Variants in CFAP299 observed in about 807,000 individuals in gnomAD.
CFAP299 encodes the protein cilia and flagella associated protein 299.
Under a neutral mutation model 27.0 loss-of-function variants are expected in CFAP299, and 21 were observed. That is an observed-to-expected ratio of 0.78 (90% CI 0.55 to 1.12). The LOEUF is 1.12. Ranked by LOEUF, CFAP299 falls within the 50% of genes most tolerant of loss-of-function variation. The probability of loss-of-function intolerance (pLI) is 0.00; values close to 1 mark genes in which losing one functional copy is unlikely to be tolerated. For synonymous variants in CFAP299, 104 were observed against 98.1 expected, an observed-to-expected ratio of 1.06 and a Z score of -0.36; for missense variants, 310 against 276.6, an observed-to-expected ratio of 1.12 and a Z score of -0.86.
chr4:80,695,681 T>TC (rs1162701123), intron 3 of CFAP299, among the ~76,000 whole-genome samples: 2 of 151,330 alleles, frequency 1.3e-5, no homozygotes, highest in East Asian at 1.9e-4. Flanking sequence ...ATCCTTTTTT[T>TC]TTTTTTTTTG....
intron 3 of CFAP299, among the ~76,000 whole-genome samples, chr4:80,603,115 T>C (rs1044863744): frequency 4.6e-5 from 7 of 152,174 alleles, no homozygotes; most frequent in African/African-American, 1.7e-4. Context: ...CAAGGAATTA[T>C]GGATTTGACT....
At chr4:80,388,576 C>G in intron 2 of CFAP299, 1 of 1,431,652 alleles carries the variant, frequency 7.0e-7, no homozygotes, top group Non-Finnish European at 9.8e-7. Context: ...CCTCATCATC[C>G]AATGGCTGGA....
chr4:80,537,712 G>T (rs1408645549), intron 2 of CFAP299, among the ~76,000 whole-genome samples: 1 of 152,014 alleles, frequency 6.6e-6, no homozygotes, highest in African/African-American at 2.4e-5. Flanking sequence ...TAGTTAAAAG[G>T]TATGAAGTTT....
At chr4:80,641,067 T>G (rs1739697469) in intron 3 of CFAP299, among the ~76,000 whole-genome samples, 1 of 152,188 alleles carries the variant, frequency 6.6e-6, no homozygotes, top group African/African-American at 2.4e-5. Context: ...GGGTAGCATA[T>G]TGCAATACTT....
intron 3 of CFAP299, among the ~76,000 whole-genome samples, chr4:80,632,216 T>G (rs1409634065): frequency 6.6e-6 from 1 of 152,146 alleles, no homozygotes; most frequent in Non-Finnish European, 1.5e-5. Context: ...CATTTTCTGA[T>G]AAAAATAATT....
At position 80,606,251 on chromosome 4, in the gene CFAP299, G is replaced by T. The variant is rs151168552; in HGVS notation, c.333+23068G>T. The stretch of plus-strand genomic sequence containing the variant: ...GTATGTACAAAGGTATATAGCCATA[G>T]CTAGGCTGGGCGTGGTGGCTCACGC... On this transcript the variant is annotated intron_variant, in intron 3 of 5. Coordinates refer to ENST00000358105, the MANE Select transcript of CFAP299 (RefSeq NM_152770.3). Among the ~76,000 whole-genome samples, 512 of 152,260 alleles carry T rather than the reference G, an allele frequency of 3.4e-3. 4 individuals carry two copies. In the East Asian group the frequency reaches 0.037, roughly 11 times the overall value.
intron 3 of CFAP299, among the ~76,000 whole-genome samples, chr4:80,681,944 CA>C: frequency 6.6e-6 from 1 of 152,196 alleles, no homozygotes; most frequent in South Asian, 2.1e-4. Flanking sequence ...AACATTGGAG[CA>C]AGCCTTGGAA....
chr4:80,479,702 TA>T (rs1205741908), intron 2 of CFAP299, among the ~76,000 whole-genome samples: 1 of 152,004 alleles, frequency 6.6e-6, no homozygotes, highest in African/African-American at 2.4e-5. Flanking sequence ...TCACACTAGA[TA>T]GTTAAATTTT....
At chr4:80,646,249 A>G (rs1740004538) in intron 3 of CFAP299, among the ~76,000 whole-genome samples, 1 of 152,124 alleles carries the variant, frequency 6.6e-6, no homozygotes, top group Non-Finnish European at 1.5e-5. Flanking sequence ...CCCATGCAAT[A>G]TTTGTTAAAT....
chr4:80,611,823 G>C (rs777312176), intron 3 of CFAP299, among the ~76,000 whole-genome samples: 1 of 151,972 alleles, frequency 6.6e-6, no homozygotes, highest in South Asian at 2.1e-4. Flanking sequence ...ACTATTGTAG[G>C]TCTTGACTCA....
chr4:80,662,867 C>A (rs145031325), intron 3 of CFAP299, among the ~76,000 whole-genome samples: 1,600 of 150,652 alleles, frequency 0.011, 24 homozygotes, highest in African/African-American at 0.038. Flanking sequence ...AGATGAGCTG[C>A]TCTTGAGCCT....
chr4:80,796,139 C>CA, intron 3 of CFAP299, among the ~76,000 whole-genome samples: 3 of 152,164 alleles, frequency 2.0e-5, no homozygotes. Context: ...GTGTTGCCTC[C>CA]AAAATCCAAA....
intron 3 of CFAP299, among the ~76,000 whole-genome samples, chr4:80,839,343 A>G (rs528391982): frequency 6.6e-6 from 1 of 152,286 alleles, no homozygotes; most frequent in South Asian, 2.1e-4. Context: ...AAAAACACTT[A>G]CTATGTATTA....
intron 3 of CFAP299, among the ~76,000 whole-genome samples, chr4:80,589,542 T>G (rs1338241004): frequency 6.6e-6 from 1 of 152,154 alleles, no homozygotes; most frequent in South Asian, 2.1e-4. Flanking sequence ...AAGCCACATA[T>G]ATATGTAATA....
upstream of CFAP299, chr4:80,335,612 G>A (rs1722090452): frequency 1.5e-6 from 1 of 652,856 alleles, no homozygotes; most frequent in Admixed American, 2.4e-5. Flanking sequence ...ACAGGAGTGA[G>A]GCAGAAGACA....
intron 2 of CFAP299, among the ~76,000 whole-genome samples, chr4:80,444,933 CATT>C (rs1728543532): frequency 6.6e-6 from 1 of 152,176 alleles, no homozygotes; most frequent in Non-Finnish European, 1.5e-5. Context: ...AGCTCATCAT[CATT>C]GGTCATTAGA....
intron 1 of CFAP299, among the ~76,000 whole-genome samples, chr4:80,345,455 T>A (rs1722683061): frequency 1.7e-5 from 2 of 120,124 alleles, no homozygotes; most frequent in Admixed American, 2.1e-4. Flanking sequence ...CCCCGGTGTG[T>A]GATGTTCCCC....
chr4:80,340,798 G>A (rs1180453266), intron 1 of CFAP299, among the ~76,000 whole-genome samples: 1 of 148,890 alleles, frequency 6.7e-6, no homozygotes, highest in African/African-American at 2.5e-5. Context: ...TTTTTTTTTT[G>A]GAGTTTCACT....
chr4:80,744,896 C>CA, intron 3 of CFAP299, among the ~76,000 whole-genome samples: 1 of 152,230 alleles, frequency 6.6e-6, no homozygotes, highest in South Asian at 2.1e-4. Flanking sequence ...CAAATCTTCA[C>CA]ACATGGTGGC....
Sources: allele counts gnomAD v4.1 joint callset (sites outside exome capture counted in the v4.1 genomes callset), GRCh38; gene constraint gnomAD v4.1.1; transcripts MANE v1.5; gene names NCBI Gene and HGNC (gene_info 2026-07-23, HGNC 2026-07-21).